Variants in ADK observed in about 807,000 individuals in gnomAD.
ADK encodes adenosine kinase, also known as N6,N6-dimethyladenosine kinase.
In ADK, 24 loss-of-function variants were observed where a neutral mutation model predicts 44.7. The observed-to-expected ratio is 0.54, with a 90% CI of 0.39 to 0.76. The LOEUF (loss-of-function observed/expected upper bound fraction) is 0.76, where lower values mean the gene tolerates loss of function less well. ADK is among the 30% of genes least tolerant of loss of function. The pLI is 0.00. For missense variants in ADK, 321 were observed against 425.1 expected (o/e 0.76, Z 2.15); for synonymous variants, 128 against 142.6 (o/e 0.90, Z 0.73).
intron 10 of ADK, among the ~76,000 whole-genome samples, chr10:74,680,052 C>T (rs1003366336): frequency 2.0e-5 from 3 of 152,018 alleles, no homozygotes; most frequent in African/African-American, 4.8e-5. Context: ...CGGTGGCTCA[C>T]GCCTGTAATC....
intron 1 of ADK, among the ~76,000 whole-genome samples, chr10:74,191,947 C>A (rs922544888): frequency 9.2e-5 from 14 of 152,162 alleles, no homozygotes; most frequent in African/African-American, 3.4e-4. Context: ...TTTCTCTGAA[C>A]CCTAACCCCT....
At chr10:74,434,743 T>A (rs1477385163) in intron 6 of ADK, among the ~76,000 whole-genome samples, 1 of 152,194 alleles carries the variant, frequency 6.6e-6, no homozygotes, top group Non-Finnish European at 1.5e-5. Context: ...AGCTTAGTGA[T>A]GTGGAACTTC....
chr10:74,158,759 A>G (rs112155439), intron 1 of ADK, among the ~76,000 whole-genome samples: 2,712 of 152,310 alleles, frequency 0.018, 42 homozygotes, highest in Non-Finnish European at 0.026. Flanking sequence ...TTCTCATCAG[A>G]GTTAGTTCCT....
chr10:74,669,024 CAG>C (rs1263049160), intron 9 of ADK, among the ~76,000 whole-genome samples: 2 of 147,174 alleles, frequency 1.4e-5, no homozygotes, highest in Non-Finnish European at 3.0e-5. Context: ...GCCTGGATGA[CAG>C]AGCAAGACCT....
chr10:74,454,758 T>A (rs1263776994), intron 6 of ADK, among the ~76,000 whole-genome samples: 1 of 152,210 alleles, frequency 6.6e-6, no homozygotes, highest in East Asian at 1.9e-4. Context: ...GAGTGTTTTT[T>A]ATATTAGGTT....
At chr10:74,307,684 T>A (rs1244873466) in intron 3 of ADK, among the ~76,000 whole-genome samples, 1 of 152,216 alleles carries the variant, frequency 6.6e-6, no homozygotes, top group African/African-American at 2.4e-5. Flanking sequence ...GAGAAATAAT[T>A]AGCTAGTTAT....
At chr10:74,181,343 T>C (rs186956032) in intron 1 of ADK, among the ~76,000 whole-genome samples, 19 of 152,284 alleles carry the variant, frequency 1.2e-4, no homozygotes, top group Admixed American at 6.5e-4. Context: ...AGTTAGTATT[T>C]CATCATTTGT....
At chr10:74,633,598 A>G (rs1364468031) in intron 9 of ADK, among the ~76,000 whole-genome samples, 1 of 152,236 alleles carries the variant, frequency 6.6e-6, no homozygotes, top group Non-Finnish European at 1.5e-5. Flanking sequence ...GACCCAAAAG[A>G]GTGTATACAG....
intron 3 of ADK, among the ~76,000 whole-genome samples, chr10:74,256,473 A>AT (rs903604757): frequency 6.3e-4 from 94 of 149,994 alleles, no homozygotes; most frequent in African/African-American, 1.9e-3. Flanking sequence ...TGAGGTAAAC[A>AT]TTTTTTTTTT....
intron 1 of ADK, among the ~76,000 whole-genome samples, chr10:74,163,600 G>T (rs1841957890): frequency 1.3e-5 from 2 of 152,130 alleles, no homozygotes; most frequent in South Asian, 2.1e-4. Context: ...TGTCTCTATT[G>T]ACTCATCTAG....
intron 6 of ADK, among the ~76,000 whole-genome samples, chr10:74,483,328 C>T (rs1473548761): frequency 6.6e-6 from 1 of 152,144 alleles, no homozygotes; most frequent in African/African-American, 2.4e-5. Context: ...GGAGCAGTAT[C>T]AAGGTTGCAC....
chr10:74,567,711 T>G (rs1265438427), intron 7 of ADK, among the ~76,000 whole-genome samples: 1 of 147,122 alleles, frequency 6.8e-6, no homozygotes, highest in African/African-American at 2.5e-5. Context: ...TTTTTTTTTT[T>G]TTTTTGAGAT....
At chr10:74,470,294 G>A (rs924543530) in intron 6 of ADK, among the ~76,000 whole-genome samples, 3 of 151,876 alleles carry the variant, frequency 2.0e-5, no homozygotes, top group African/African-American at 4.8e-5. Flanking sequence ...CAAAGTTCTA[G>A]GATTACAGGT....
At chr10:74,159,824 C>T (rs1375737986) in intron 1 of ADK, among the ~76,000 whole-genome samples, 1 of 152,170 alleles carries the variant, frequency 6.6e-6, no homozygotes, top group Non-Finnish European at 1.5e-5. Flanking sequence ...AATGCCTGAC[C>T]TCAGGTGATC....
intron 7 of ADK, among the ~76,000 whole-genome samples, chr10:74,578,056 T>G (rs551220980): frequency 6.6e-6 from 1 of 152,250 alleles, no homozygotes; most frequent in East Asian, 1.9e-4. Flanking sequence ...GTGGCAATGA[T>G]TATCACACCT....
intron 9 of ADK, among the ~76,000 whole-genome samples, chr10:74,603,108 A>G (rs1475737629): frequency 6.6e-6 from 1 of 152,158 alleles, no homozygotes; most frequent in Non-Finnish European, 1.5e-5. Flanking sequence ...AATATGGATC[A>G]GCTTTTTCCC....
In ADK at chr10:74,500,286, C is replaced by T. The variant is rs538408428; in HGVS notation, c.556-24970C>T. The stretch of plus-strand genomic sequence containing the variant: ...AGCCTTGACTACTCTACTTTTTCCC[C>T]CACTCCAGTCAAGTTTTACATTTTG... On this transcript the variant is annotated intron_variant, in intron 6 of 10. Coordinates refer to ENST00000539909, the MANE Select transcript of ADK (RefSeq NM_006721.4). 3.3e-5 allele frequency among the ~76,000 whole-genome samples: 5 copies of T among 152,304 alleles called. No individual in the cohort carries two copies. In the South Asian group the frequency reaches 1.0e-3, roughly 32 times the overall value.
intron 9 of ADK, among the ~76,000 whole-genome samples, chr10:74,636,467 T>C (rs945336236): frequency 3.9e-5 from 6 of 152,122 alleles, no homozygotes; most frequent in Non-Finnish European, 5.9e-5. Flanking sequence ...ACGGATCAAT[T>C]TGGAAACAAT....
intron 7 of ADK, among the ~76,000 whole-genome samples, chr10:74,545,368 T>C (rs879646798): frequency 1.3e-5 from 2 of 152,174 alleles, no homozygotes; most frequent in Non-Finnish European, 2.9e-5. Flanking sequence ...GTGAATAGTT[T>C]TAAGCTGGGC....
Sources: gnomAD v4.1 joint callset for allele counts (sites outside exome capture counted in the v4.1 genomes callset) on GRCh38, gnomAD v4.1.1 for gene constraint, MANE v1.5 for transcripts, NCBI Gene and HGNC (gene_info 2026-07-23, HGNC 2026-07-21) for gene names.